The following CFAP299 variants were observed in gnomAD, a reference collection of about 807,000 sequenced individuals.
CFAP299 encodes the protein cilia- and flagella-associated protein 299.
Under a neutral mutation model 27.0 loss-of-function variants are expected in CFAP299, and 21 were observed. The observed-to-expected ratio is 0.78, with a 90% confidence interval of 0.55 to 1.12. The LOEUF (loss-of-function observed/expected upper bound fraction) is 1.12. Ranked by LOEUF, CFAP299 falls within the 50% of genes most tolerant of loss-of-function variation. The probability of loss-of-function intolerance (pLI) is 0.00; values close to 1 mark genes in which losing one functional copy is unlikely to be tolerated. For missense variants in CFAP299, 310 were observed against 276.6 expected, an observed-to-expected ratio of 1.12 and a Z score of -0.86; for synonymous variants, 104 against 98.1, an observed-to-expected ratio of 1.06 and a Z score of -0.36.
intron 2 of CFAP299, among the ~76,000 whole-genome samples, chr4:80,554,176 T>G (rs1734675759): frequency 6.6e-6 from 1 of 152,256 alleles, no homozygotes; most frequent in South Asian, 2.1e-4. Context: ...GTATATGGTG[T>G]AAGGAAGGGG....
At chr4:80,814,869 A>T (rs1346451669) in intron 3 of CFAP299, among the ~76,000 whole-genome samples, 3 of 152,018 alleles carry the variant, frequency 2.0e-5, no homozygotes, top group Non-Finnish European at 2.9e-5. Context: ...TCCCCAGGTA[A>T]AGTCTGCATT....
chr4:80,844,471 T>C (rs1731050883), intron 3 of CFAP299, among the ~76,000 whole-genome samples: 1 of 152,212 alleles, frequency 6.6e-6, no homozygotes, highest in South Asian at 2.1e-4. Context: ...TGGTATCTCA[T>C]TGTGGTTTTG....
At chr4:80,797,460 A>G (rs1335141149) in intron 3 of CFAP299, among the ~76,000 whole-genome samples, 2 of 151,288 alleles carry the variant, frequency 1.3e-5, no homozygotes, top group Non-Finnish European at 3.0e-5. Flanking sequence ...ACCGTGATCA[A>G]TTAGCCAATG....
chr4:80,690,813 G>A (rs1250495795), intron 3 of CFAP299, among the ~76,000 whole-genome samples: 5 of 150,182 alleles, frequency 3.3e-5, no homozygotes, highest in Non-Finnish European at 5.9e-5. Flanking sequence ...TAATAAAGAA[G>A]AAAAGAGAGA....
chr4:80,855,557 TC>T (rs925768527), intron 3 of CFAP299, among the ~76,000 whole-genome samples: 15 of 151,894 alleles, frequency 9.9e-5, no homozygotes, highest in African/African-American at 3.1e-4. Flanking sequence ...CCCTCCCCTC[TC>T]CCCCCAACCC....
intron 2 of CFAP299, among the ~76,000 whole-genome samples, chr4:80,522,148 T>G (rs1005457974): frequency 6.6e-6 from 1 of 151,946 alleles, no homozygotes; most frequent in Non-Finnish European, 1.5e-5. Flanking sequence ...CTGTTTTGGT[T>G]TTTATTTTAT....
intron 2 of CFAP299, among the ~76,000 whole-genome samples, chr4:80,383,444 T>C (rs1323909118): frequency 6.6e-6 from 1 of 151,980 alleles, no homozygotes; most frequent in Non-Finnish European, 1.5e-5. Context: ...ATATTTCTGA[T>C]TGTAACATCT....
At chr4:80,853,036 T>C (rs1239325509) in intron 3 of CFAP299, among the ~76,000 whole-genome samples, 1 of 152,122 alleles carries the variant, frequency 6.6e-6, no homozygotes, top group African/African-American at 2.4e-5. Context: ...TATTTATTTA[T>C]TTATTTATTT....
At chr4:80,349,206 G>T (rs568958720) in intron 1 of CFAP299, among the ~76,000 whole-genome samples, 1 of 152,172 alleles carries the variant, frequency 6.6e-6, no homozygotes. Context: ...TTAAGGAAGA[G>T]AGCCTCCAAA....
intron 2 of CFAP299, among the ~76,000 whole-genome samples, chr4:80,560,580 CA>C (rs1263890850): frequency 6.6e-6 from 1 of 151,958 alleles, no homozygotes; most frequent in African/African-American, 2.4e-5. Flanking sequence ...GAGGGATACC[CA>C]CTGCCCTGAA....
intron 3 of CFAP299, among the ~76,000 whole-genome samples, chr4:80,617,462 A>C (rs781290303): frequency 1.3e-5 from 2 of 152,176 alleles, no homozygotes; most frequent in Non-Finnish European, 2.9e-5. Context: ...ATGACTTGCT[A>C]TGAACTCACC....
At chr4:80,957,278 C>T (rs62302254) in intron 5 of CFAP299, among the ~76,000 whole-genome samples, 16,869 of 152,198 alleles carry the variant, frequency 0.11, 1,114 homozygotes, top group Non-Finnish European at 0.16. Flanking sequence ...TTTCACAGCT[C>T]CTTACAGTGC....
chr4:80,548,601 A>G (rs1734355106), intron 2 of CFAP299, among the ~76,000 whole-genome samples: 1 of 152,152 alleles, frequency 6.6e-6, no homozygotes, highest in Admixed American at 6.6e-5. Flanking sequence ...AACAGATATA[A>G]GAAGCTCAGG....
At chr4:80,638,497 A>G (rs909576096) in intron 3 of CFAP299, among the ~76,000 whole-genome samples, 1 of 152,176 alleles carries the variant, frequency 6.6e-6, no homozygotes, top group Admixed American at 6.5e-5. Context: ...AAGAAAAGGA[A>G]CTAGAGATCT....
chr4:80,444,279 T>C (rs1728506539), intron 2 of CFAP299, among the ~76,000 whole-genome samples: 1 of 152,110 alleles, frequency 6.6e-6, no homozygotes, highest in African/African-American at 2.4e-5. Flanking sequence ...CTTCAAACTA[T>C]ACTACAAGGC....
At chr4:80,447,202 C>A (rs576267005) in intron 2 of CFAP299, among the ~76,000 whole-genome samples, 39 of 120,468 alleles carry the variant, frequency 3.2e-4, no homozygotes, top group African/African-American at 1.3e-3. Context: ...GTGGCGGGAT[C>A]TCGGCTCACT....
chr4:80,674,646 C>T (rs558463049), intron 3 of CFAP299, among the ~76,000 whole-genome samples: 70 of 152,332 alleles, frequency 4.6e-4, no homozygotes, highest in African/African-American at 1.6e-3. Context: ...CTCCCCGTCA[C>T]TTTCACGTAC....
chr4:80,801,091 C>T (rs531267564), intron 3 of CFAP299, among the ~76,000 whole-genome samples: 171 of 151,844 alleles, frequency 1.1e-3, no homozygotes, highest in African/African-American at 4.0e-3. Flanking sequence ...ATGTTAATCT[C>T]CTTTGGCAAC....
At chr4:80,386,281 G>T (rs1724984383) in intron 2 of CFAP299, 1 of 1,238,382 alleles carries the variant, frequency 8.1e-7, no homozygotes, top group Non-Finnish European at 1.2e-6. Flanking sequence ...CAGCCCCTCA[G>T]CTGTCCAGGT....
Sources: allele counts gnomAD v4.1 joint callset (sites outside exome capture counted in the v4.1 genomes callset), GRCh38; gene constraint gnomAD v4.1.1; transcripts MANE v1.5; gene names NCBI Gene and HGNC (gene_info 2026-07-23, HGNC 2026-07-21).